The following DLAT variants were observed in gnomAD, a reference collection of about 807,000 sequenced individuals.
DLAT encodes dihydrolipoyllysine-residue acetyltransferase component of pyruvate dehydrogenase complex, mitochondrial.
A neutral mutation model predicts 68.0 loss-of-function variants in DLAT; 43 were observed. That is an observed-to-expected ratio of 0.63 (90% CI 0.50 to 0.81). The LOEUF is 0.81. Among genes scored for constraint, DLAT ranks in the 40% least tolerant of loss-of-function variants. The pLI, the probability that DLAT is intolerant of heterozygous loss-of-function variation, is 0.00. For synonymous variants in DLAT, 265 were observed against 288.6 expected (o/e 0.92, Z 0.83); for missense variants, 745 against 815.4 (o/e 0.91, Z 1.05).
chr11:112,031,820 TC>T (rs1862413730), intron 4 of DLAT, among the ~76,000 whole-genome samples: 1 of 144,334 alleles, frequency 6.9e-6, no homozygotes. Context: ...GCTCAAGTGA[TC>T]CTCCTGCATC....
chr11:112,064,026 T>G lies in DLAT; in HGVS notation c.*1491T>G. On this transcript the variant is annotated 3_prime_UTR_variant, in exon 14 of 14. Coordinates refer to ENST00000280346, the MANE Select transcript of DLAT (RefSeq NM_001931.5). ...GACACTCCATATATTCCACACAGACTTTTACCTTGCTGTATTATTATGAAA... is the reference window on the plus strand; with the variant it reads ...GACACTCCATATATTCCACACAGACGTTTACCTTGCTGTATTATTATGAAA... 1 of 717,032 alleles carries G rather than the reference T, an allele frequency of 1.4e-6. No individual in the cohort carries two copies. Among genetic ancestry groups the G allele is most frequent in the South Asian group, 2.1e-5 (1 of 46,694 alleles). 44.4% of individuals were successfully genotyped at this position (717,032 alleles called of 1,614,324 possible). A position where few individuals can be genotyped will look rare whatever the true frequency, so the allele number is the denominator to read the frequency against.
At chr11:112,054,350 C>T (rs1863871293) in intron 11 of DLAT, among the ~76,000 whole-genome samples, 2 of 151,760 alleles carry the variant, frequency 1.3e-5, no homozygotes, top group South Asian at 2.1e-4. Context: ...AAATATAAAT[C>T]TATATTTGGT....
In DLAT at chr11:112,031,390, G is replaced by A. The variant is rs116002534; in HGVS notation, c.661-2014G>A. On this transcript the variant is annotated intron_variant, in intron 4 of 13. Transcript: ENST00000280346. Reference sequence around the variant, plus strand: ...GTGGAAATGGCTATTATAAAAACAGGGCTTTTTTTACCCCTGGTTTTTTAT... The same window carrying A: ...GTGGAAATGGCTATTATAAAAACAGAGCTTTTTTTACCCCTGGTTTTTTAT... 6.0e-3 allele frequency among the ~76,000 whole-genome samples: 910 copies of A among 152,022 alleles called. 10 individuals carry two copies. Among genetic ancestry groups the A allele is most frequent in the African/African-American group, 0.021 (858 of 41,458 alleles).
At position 112,025,816 on chromosome 11, in the gene DLAT, A is replaced by T. The variant is rs1861964474; in HGVS notation, c.279+65A>T. The T allele has an allele frequency of 2.5e-6, 4 of 1,592,338 alleles. No homozygotes were observed. The South Asian group carries it at 4.5e-5, about 18-fold the overall frequency. On this transcript the variant is annotated intron_variant, in intron 1 of 13. Transcript: ENST00000280346. The stretch of plus-strand genomic sequence containing the variant: ...TCAGAGCTGACTGGATGCCTGCAAG[A>T]TCCTCCTTGAGAGGCCTCACTGATC...
At chr11:112,055,048 T>C (rs1392984632) in intron 11 of DLAT, among the ~76,000 whole-genome samples, 4 of 152,096 alleles carry the variant, frequency 2.6e-5, no homozygotes, top group Admixed American at 1.3e-4. Flanking sequence ...TAAGGTCACA[T>C]TGATAGGTTC....
At position 112,025,816 on chromosome 11, in the gene DLAT, A is replaced by G. The variant is rs1861964474; in HGVS notation, c.279+65A>G. 9 of 1,592,456 alleles carry G rather than the reference A, an allele frequency of 5.7e-6. No homozygotes were observed. The Admixed American group carries it at 6.9e-5, about 12-fold the overall frequency. ...TCAGAGCTGACTGGATGCCTGCAAGATCCTCCTTGAGAGGCCTCACTGATC... is the reference window on the plus strand; with the variant it reads ...TCAGAGCTGACTGGATGCCTGCAAGGTCCTCCTTGAGAGGCCTCACTGATC... On this transcript the variant is annotated intron_variant, in intron 1 of 13. Transcript: ENST00000280346.
chr11:112,026,469 C>T (rs1280128957), intron 2 of DLAT, among the ~76,000 whole-genome samples, 170 bp downstream of exon 2: 8 of 152,178 alleles, frequency 5.3e-5, no homozygotes, highest in African/African-American at 1.2e-4. Context: ...GAGGATCCTG[C>T]GGCCTTCCGC....
chr11:112,028,024 T>C (rs994366236), intron 2 of DLAT, among the ~76,000 whole-genome samples: 1 of 152,222 alleles, frequency 6.6e-6, no homozygotes, highest in Non-Finnish European at 1.5e-5. Context: ...ACATTGACTT[T>C]CTGGATGTGT....
At chr11:112,041,353 A>G (rs780997637) in intron 7 of DLAT, among the ~76,000 whole-genome samples, 2 of 152,234 alleles carry the variant, frequency 1.3e-5, no homozygotes, top group Non-Finnish European at 2.9e-5. Context: ...AAAGAAACTC[A>G]GTGATATACT....
At chr11:112,033,864 C>G (rs1862550981) in intron 5 of DLAT, among the ~76,000 whole-genome samples, 1 of 152,132 alleles carries the variant, frequency 6.6e-6, no homozygotes. Flanking sequence ...GGTAGGACTA[C>G]AGGCCTGAAC....
At position 112,033,497 on chromosome 11, in the gene DLAT, C is replaced by G. The variant is rs139194443; in HGVS notation, c.754C>G (p.Leu252Val). The G allele has an allele frequency of 2.5e-6, 4 of 1,613,794 alleles. No homozygotes were observed. Among genetic ancestry groups the G allele is most frequent in the Non-Finnish European group, 3.4e-6 (4 of 1,179,906 alleles). Residue 252 changes from leucine (L) to valine (V), a missense_variant, in exon 5 of 14, where the codon CTG becomes GTG. Transcript: ENST00000280346. ...TGAGAAGCTAAGTGAAGGAGACTTA[C>G]TGGCAGAGATAGAAACTGACAAAGC... ...VGEKLSEGDL[L>V]AEIETDKATI...
At chr11:112,026,705 T>C (rs1425138105) in intron 2 of DLAT, among the ~76,000 whole-genome samples, 4 of 152,184 alleles carry the variant, frequency 2.6e-5, no homozygotes, top group East Asian at 1.9e-4. Flanking sequence ...AAGTCTCCCA[T>C]GTCTACCTCT....
chr11:112,041,774 C>T (rs1009801570), intron 7 of DLAT, among the ~76,000 whole-genome samples: 3 of 151,690 alleles, frequency 2.0e-5, no homozygotes, highest in African/African-American at 2.4e-5. Flanking sequence ...CCCAGCTACT[C>T]GGGAGGCTGA....
chr11:112,034,360 G>GATGTGTAATATATATATGTTCAT (rs1555180197), intron 5 of DLAT, among the ~76,000 whole-genome samples: 1 of 151,914 alleles, frequency 6.6e-6, no homozygotes, highest in African/African-American at 2.4e-5. Flanking sequence ...TATATGTTCA[G>GATGTGTAATATATATATGTTCAT]ATATGTCATA....
chr11:112,059,931 G>A lies in DLAT; in HGVS notation c.1543G>A (p.Val515Ile). 6.2e-7 allele frequency: 1 copy of A among 1,612,216 alleles called. No homozygotes were observed. Among genetic ancestry groups the A allele is most frequent in the East Asian group, 2.2e-5 (1 of 44,760 alleles). Residue 515 changes from valine to isoleucine, a missense_variant, in exon 12 of 14, where the codon GTC (valine) becomes ATC (isoleucine). Transcript: ENST00000280346. ...TCATGTTGTTGATGTCAGTGTTGCG[G>A]TCAGTACTCCTGCAGGACTCATCAC... The part of the protein sequence containing the change: ...QNHVVDVSVA[V>I]STPAGLITPI...
chr11:112,026,790 C>T (rs1217833776), intron 2 of DLAT, among the ~76,000 whole-genome samples: 8 of 152,284 alleles, frequency 5.3e-5, no homozygotes, highest in Non-Finnish European at 7.4e-5. Flanking sequence ...TCCACAAAAC[C>T]GCCATTGTCA....
Position 112,037,337 on chromosome 11 carries a change from C to A in DLAT, c.852C>A (p.Val284=), listed in dbSNP as rs587600197. 2.5e-6 allele frequency: 4 copies of A among 1,614,098 alleles called. No homozygotes were observed. The South Asian group carries it at 4.4e-5, about 18-fold the overall frequency. Residue 284 remains valine (V), a synonymous_variant, in exon 6 of 14, where the codon GTC becomes GTA. Coordinates refer to ENST00000280346, the MANE Select transcript of DLAT (RefSeq NM_001931.5). The stretch of plus-strand genomic sequence containing the variant: ...TGGTCCCTGAAGGCACAAGAGATGT[C>A]CCTCTAGGAACCCCACTCTGTATCA... The part of the protein sequence containing the change: ...KILVPEGTRD[V]PLGTPLCIIV...
At chr11:112,036,165 A>ATGTGTGTGTGTGTG (rs797041830) in intron 5 of DLAT, among the ~76,000 whole-genome samples, 81 of 101,820 alleles carry the variant, frequency 8.0e-4, no homozygotes, top group African/African-American at 3.7e-3. Context: ...GTGTGTGTAT[A>ATGTGTGTGTGTGTG]TATGTGTGTG....
At chr11:112,048,153 G>C (rs1295893028) in intron 10 of DLAT, among the ~76,000 whole-genome samples, 2 of 152,158 alleles carry the variant, frequency 1.3e-5, no homozygotes, top group Non-Finnish European at 2.9e-5. Context: ...TTGAGCAGTG[G>C]TTTGTAGTTC....
Sources: allele counts gnomAD v4.1 joint callset (sites outside exome capture counted in the v4.1 genomes callset), GRCh38; gene constraint gnomAD v4.1.1; transcripts MANE v1.5; gene names NCBI Gene and HGNC (gene_info 2026-07-23, HGNC 2026-07-21).